KDM1B: variants seen among roughly 807,000 people sequenced by gnomAD.
KDM1B encodes the protein lysine-specific histone demethylase 2.
In KDM1B, 63 loss-of-function variants were observed where a neutral mutation model predicts 107.4. That is an observed-to-expected ratio of 0.59 (90% confidence interval 0.48 to 0.72). The LOEUF is 0.72. KDM1B is among the 30% of genes least tolerant of loss of function. The probability of loss-of-function intolerance (pLI) is 0.00; values close to 1 mark genes in which losing one functional copy is unlikely to be tolerated. For synonymous variants in KDM1B, 363 were observed against 363.9 expected, an observed-to-expected ratio of 1.00 and a Z score of 0.03; for missense variants, 749 against 1,020.8, an observed-to-expected ratio of 0.73 and a Z score of 3.63.
chr6:18,213,812 T>G lies in KDM1B; in HGVS notation c.2109+31T>G. On this transcript the variant is annotated intron_variant, in intron 19 of 21. Transcript: ENST00000650836. This position sits in a 1 kb window ranked among gnomAD's most constrained non-coding sequence, Gnocchi z 5.9. ...ATCATTCGTGAACTGTGGTTTGAATTTCCGTCTTAAAGTTTAGAATTTGAT... is the reference window on the plus strand; with the variant it reads ...ATCATTCGTGAACTGTGGTTTGAATGTCCGTCTTAAAGTTTAGAATTTGAT... The G allele has an allele frequency of 1.2e-6, 2 of 1,612,904 alleles. No homozygotes were observed. Among genetic ancestry groups the G allele is most frequent in the Non-Finnish European group, 1.7e-6 (2 of 1,179,062 alleles).
At position 18,197,262 on chromosome 6, in the gene KDM1B, T is replaced by C; in HGVS notation, c.1146+29T>C. 6.3e-7 allele frequency: 1 copy of C among 1,593,750 alleles called. No homozygotes were observed. The highest frequency in any genetic ancestry group is 2.2e-5 in the East Asian group (1 of 44,660). On this transcript the variant is annotated intron_variant, in intron 11 of 21. Transcript: ENST00000650836. This position sits in a 1 kb window ranked among gnomAD's most constrained non-coding sequence, Gnocchi z 4.5. ...GGTGATTATAGCTTTAGCGATAGCC[T>C]TGCCATTGATCAGGACAAACGCTAG...
At chr6:18,198,214 A>G (rs1787778911) in intron 12 of KDM1B, among the ~76,000 whole-genome samples, 1 of 150,912 alleles carries the variant, frequency 6.6e-6, no homozygotes, top group African/African-American at 2.4e-5. Flanking sequence ...AGTTCTTGAC[A>G]GATTATTATT....
At chr6:18,166,187 C>T in intron 5 of KDM1B, 80 bp from the exon 6 acceptor site, 1 of 673,528 alleles carries the variant, frequency 1.5e-6, no homozygotes. Context: ...GATTTACTAA[C>T]CTGCCTCCTG....
In KDM1B at chr6:18,188,867, T is replaced by A. The variant is rs955810856; in HGVS notation, c.784+865T>A. On this transcript the variant is annotated intron_variant, in intron 9 of 21. Transcript: ENST00000650836. The stretch of plus-strand genomic sequence containing the variant: ...GGCGTGATCTTGGCTCCCTGCAACC[T>A]CCTCCTCCCAGGTTCAAGCGATTCT... 4.6e-5 allele frequency among the ~76,000 whole-genome samples: 7 copies of A among 151,410 alleles called. No homozygotes were observed. In the South Asian group the frequency reaches 1.5e-3, roughly 32 times the overall value.
At position 18,204,065 on chromosome 6, in the gene KDM1B, G is replaced by A. The variant is rs214607; in HGVS notation, c.1532-1472G>A. The stretch of plus-strand genomic sequence containing the variant: ...CAACAAAGACAGGCACAAATCTGGA[G>A]GCCTCTTGGGCATCCGCATGTTACA... On this transcript the variant is annotated intron_variant, in intron 14 of 21. Coordinates refer to ENST00000650836, the MANE Select transcript of KDM1B (RefSeq NM_001364614.2). The surrounding 1 kb of genome is among the most constrained non-coding windows in gnomAD (Gnocchi z 4.9). Among the ~76,000 whole-genome samples, 13,956 of 152,058 alleles carry A rather than the reference G, an allele frequency of 0.092. 734 individuals carry two copies. Among genetic ancestry groups the A allele is most frequent in the South Asian group, 0.22 (1,061 of 4,818 alleles).
intron 9 of KDM1B, among the ~76,000 whole-genome samples, chr6:18,189,649 AG>A (rs1293357494): frequency 3.3e-5 from 5 of 152,232 alleles, no homozygotes; most frequent in African/African-American, 1.2e-4. Context: ...ATTAAAAAGC[AG>A]GTTAGAAAAC....
At chr6:18,185,582 G>C (rs12194278) in intron 7 of KDM1B, among the ~76,000 whole-genome samples, 190 bp from the exon 8 acceptor site, 1 of 151,930 alleles carries the variant, frequency 6.6e-6, no homozygotes, top group Non-Finnish European at 1.5e-5. Context: ...TCAACCTCCC[G>C]AAGTGCTGGG....
intron 7 of KDM1B, among the ~76,000 whole-genome samples, chr6:18,177,824 G>T (rs1000798184): frequency 5.3e-5 from 8 of 152,078 alleles, no homozygotes; most frequent in African/African-American, 1.9e-4. Context: ...CATGCTCATT[G>T]TTATGTATTG....
In KDM1B at chr6:18,204,223, A is replaced by G. The variant is rs1788225928; in HGVS notation, c.1532-1314A>G. Among the ~76,000 whole-genome samples the G allele has an allele frequency of 6.6e-6, 1 of 151,962 alleles. No homozygotes were observed. The highest frequency in any genetic ancestry group is 1.5e-5 in the Non-Finnish European group (1 of 67,970). ...GACACTCTGTTAAACTTGGGATTAC[A>G]CCTGTAATCCCAGCACTTCGGGAGG... On this transcript the variant is annotated intron_variant, in intron 14 of 21. Coordinates refer to ENST00000650836, the MANE Select transcript of KDM1B (RefSeq NM_001364614.2). The surrounding 1 kb of genome is among the most constrained non-coding windows in gnomAD (Gnocchi z 4.9).
chr6:18,200,287 C>T lies in KDM1B; in HGVS notation c.1222-152C>T. ...GAACATCTATTTTGGCTTCTCTTCA[C>T]ACTGCCTGCTTTTTAAAGTTGTTTT... On this transcript the variant is annotated intron_variant, in intron 12 of 21. Coordinates refer to ENST00000650836, the MANE Select transcript of KDM1B (RefSeq NM_001364614.2). This position sits in a 1 kb window ranked among gnomAD's most constrained non-coding sequence, Gnocchi z 4.3. 1.3e-6 allele frequency: 1 copy of T among 782,490 alleles called. No individual in the cohort carries two copies. Among genetic ancestry groups the T allele is most frequent in the Non-Finnish European group, 2.0e-6 (1 of 501,638 alleles). The allele number at this position is 782,490 out of a possible 1,614,324, so 48.5% of individuals were successfully genotyped here.
intron 9 of KDM1B, 85 bp downstream of exon 9, chr6:18,188,087 T>G (rs1175581000): frequency 3.2e-6 from 4 of 1,253,366 alleles, no homozygotes; most frequent in South Asian, 1.3e-5. Flanking sequence ...CGCAAAGGAT[T>G]TTTTTTAAAT....
chr6:18,185,577 C>T (rs1201746759), intron 7 of KDM1B, among the ~76,000 whole-genome samples, 195 bp from the exon 8 acceptor site: 1 of 152,224 alleles, frequency 6.6e-6, no homozygotes, highest in African/African-American at 2.4e-5. Context: ...GCTGCTCAAC[C>T]TCCCGAAGTG....
Position 18,213,626 on chromosome 6 carries a change from C to A in KDM1B, c.1984-30C>A, listed in dbSNP as rs748309895. On this transcript the variant is annotated intron_variant, in intron 18 of 21. Coordinates refer to ENST00000650836, the MANE Select transcript of KDM1B (RefSeq NM_001364614.2). The surrounding 1 kb of genome is among the most constrained non-coding windows in gnomAD (Gnocchi z 5.9). ...CCTGTGGTTTTGTGACGACAGACAC[C>A]TAACCACCTTTCTTCTGCTCACTTT... 1 of 1,613,148 alleles carries A rather than the reference C, an allele frequency of 6.2e-7. No homozygotes were observed. Among genetic ancestry groups the A allele is most frequent in the Non-Finnish European group, 8.5e-7 (1 of 1,179,386 alleles).
At chr6:18,156,091 C>T (rs904380959) in intron 2 of KDM1B, among the ~76,000 whole-genome samples, 165 bp downstream of exon 2, 3 of 152,224 alleles carry the variant, frequency 2.0e-5, no homozygotes, top group Admixed American at 6.5e-5. Flanking sequence ...CTCGCTTGTT[C>T]TTCCCGGCCG....
intron 7 of KDM1B, 109 bp downstream of exon 7, chr6:18,171,588 AT>A: frequency 1.4e-6 from 1 of 699,990 alleles, no homozygotes; most frequent in Middle Eastern, 2.9e-4. Flanking sequence ...TCAAGGTTGT[AT>A]TTGCATGCAT....
intron 8 of KDM1B, among the ~76,000 whole-genome samples, chr6:18,187,250 C>G (rs1786927284): frequency 6.6e-6 from 1 of 152,174 alleles, no homozygotes; most frequent in Non-Finnish European, 1.5e-5. Context: ...TTCAGTTCTA[C>G]ATTTGGCGTC....
chr6:18,221,179 G>C (rs1412824289), intron 21 of KDM1B, among the ~76,000 whole-genome samples: 1 of 151,950 alleles, frequency 6.6e-6, no homozygotes, highest in South Asian at 2.1e-4. Context: ...TTCTATCCAG[G>C]CATCAGTTTA....
chr6:18,197,173 C>T lies in KDM1B; in HGVS notation c.1086C>T (p.Ile362=). The T allele has an allele frequency of 6.2e-7, 1 of 1,614,138 alleles. No individual in the cohort carries two copies. Among genetic ancestry groups the T allele is most frequent in the Non-Finnish European group, 8.5e-7 (1 of 1,180,014 alleles). The change falls in exon 11 of 22, where the codon ATC becomes ATT. Residue 362 remains isoleucine (I), a synonymous_variant. Coordinates refer to ENST00000650836, the MANE Select transcript of KDM1B (RefSeq NM_001364614.2). The surrounding 1 kb of genome is among the most constrained non-coding windows in gnomAD (Gnocchi z 4.5). ...ILYFMTRKGL[I]NTGVLSVGAD... ...ATTTTATGACCAGAAAAGGTCTCAT[C>T]AACACTGGAGTTCTCAGCGTGGGAG...
chr6:18,192,563 G>C (rs1270565507), intron 10 of KDM1B, among the ~76,000 whole-genome samples: 4 of 152,084 alleles, frequency 2.6e-5, no homozygotes, highest in African/African-American at 9.7e-5. Context: ...GTAGCCTTGA[G>C]ATAGGTGCTC....
Sources: allele counts gnomAD v4.1 joint callset (sites outside exome capture counted in the v4.1 genomes callset), GRCh38; gene constraint gnomAD v4.1.1; non-coding constraint Gnocchi (gnomAD v3.1); transcripts MANE v1.5; gene names NCBI Gene and HGNC (gene_info 2026-07-23, HGNC 2026-07-21).